Variants in ERBB4 observed in about 807,000 individuals in gnomAD.
ERBB4 encodes receptor tyrosine-protein kinase erbB-4.
Under a neutral mutation model 158.0 loss-of-function variants are expected in ERBB4, and 42 were observed. The observed-to-expected ratio is 0.27, with a 90% CI of 0.21 to 0.34. The LOEUF (loss-of-function observed/expected upper bound fraction) is 0.34. ERBB4 is among the 10% of genes least tolerant of loss of function. ERBB4 has a pLI of 1.00. For synonymous variants in ERBB4, 583 were observed against 558.7 expected (o/e 1.04, Z -0.61); for missense variants, 1,333 against 1,624.1 (o/e 0.82, Z 3.08).
At chr2:212,059,021 T>G (rs969242618) in intron 2 of ERBB4, among the ~76,000 whole-genome samples, 18 of 152,208 alleles carry the variant, frequency 1.2e-4, no homozygotes, top group Non-Finnish European at 1.0e-4. Flanking sequence ...GCAGATGACA[T>G]GATTGTATAT....
chr2:211,407,109 AAACTC>A (rs1249432924), intron 25 of ERBB4, among the ~76,000 whole-genome samples: 1 of 152,116 alleles, frequency 6.6e-6, no homozygotes, highest in African/African-American at 2.4e-5. Flanking sequence ...TTAAAAAACT[AAACTC>A]AAGGGGTTTT....
intron 20 of ERBB4, among the ~76,000 whole-genome samples, chr2:211,432,526 G>C (rs1311793250): frequency 1.3e-5 from 2 of 151,492 alleles, no homozygotes; most frequent in East Asian, 3.9e-4. Flanking sequence ...ACAGTGCTTT[G>C]TGTTTGAGTA....
At chr2:211,429,791 A>C (rs2063711126) in intron 21 of ERBB4, among the ~76,000 whole-genome samples, 1 of 152,228 alleles carries the variant, frequency 6.6e-6, no homozygotes, top group African/African-American at 2.4e-5. Flanking sequence ...TGGACTACGG[A>C]CATTGTGTTA....
intron 1 of ERBB4, among the ~76,000 whole-genome samples, chr2:212,201,139 A>G (rs1008821140): frequency 1.3e-5 from 2 of 152,166 alleles, no homozygotes; most frequent in African/African-American, 4.8e-5. Context: ...AAATTTAATT[A>G]TGCAAGTTTT....
In ERBB4 at chr2:211,704,098, A is replaced by T. The variant is rs188386424; in HGVS notation, c.1289+6T>A. On this transcript the variant is annotated splice_donor_region_variant and intron_variant, in intron 11 of 27. Transcript: ENST00000342788. Reference sequence around the variant, plus strand: ...GAGCCCTGCAGCTTTAAACATATCCACTTACCTATAGAGTACTCTTCCACC... The same window carrying T: ...GAGCCCTGCAGCTTTAAACATATCCTCTTACCTATAGAGTACTCTTCCACC... 6.5e-7 allele frequency: 1 copy of T among 1,540,420 alleles called. No homozygotes were observed. Among genetic ancestry groups the T allele is most frequent in the Non-Finnish European group, 9.0e-7 (1 of 1,112,954 alleles).
At chr2:211,633,614 C>A (rs1315719199) in intron 16 of ERBB4, among the ~76,000 whole-genome samples, 2 of 140,636 alleles carry the variant, frequency 1.4e-5, no homozygotes, top group East Asian at 2.0e-4. Context: ...GTTGTGTGTT[C>A]TCACTAGTTT....
chr2:212,081,861 C>T (rs1042756654), intron 2 of ERBB4, among the ~76,000 whole-genome samples: 1 of 152,100 alleles, frequency 6.6e-6, no homozygotes, highest in African/African-American at 2.4e-5. Flanking sequence ...TTAATTTTTA[C>T]AGGCAGCAAA....
chr2:212,229,810 A>G (rs1313148697), intron 1 of ERBB4, among the ~76,000 whole-genome samples: 1 of 152,216 alleles, frequency 6.6e-6, no homozygotes, highest in Non-Finnish European at 1.5e-5. Flanking sequence ...TGTAGAGGTG[A>G]GAGTCAAGGA....
chr2:212,459,908 C>T (rs184551273), intron 1 of ERBB4, among the ~76,000 whole-genome samples: 1 of 152,100 alleles, frequency 6.6e-6, no homozygotes, highest in Admixed American at 6.5e-5. Context: ...AAAACTAGAC[C>T]CCTACTGATA....
At chr2:211,808,057 T>G (rs1197902220) in intron 3 of ERBB4, among the ~76,000 whole-genome samples, 6 of 152,222 alleles carry the variant, frequency 3.9e-5, no homozygotes, top group Non-Finnish European at 7.3e-5. Context: ...TGTAAACATT[T>G]TTTTCCCATT....
intron 12 of ERBB4, among the ~76,000 whole-genome samples, chr2:211,698,954 GT>G (rs1575006572): frequency 6.6e-6 from 1 of 152,140 alleles, no homozygotes; most frequent in East Asian, 1.9e-4. Context: ...AAACCATAAA[GT>G]CAGCTTTGAA....
chr2:211,464,346 T>C (rs2064618686), intron 20 of ERBB4, among the ~76,000 whole-genome samples: 1 of 152,212 alleles, frequency 6.6e-6, no homozygotes, highest in Non-Finnish European at 1.5e-5. Flanking sequence ...TGCAATACTG[T>C]GGCCTTCCAA....
At chr2:212,446,834 T>C (rs1206937130) in intron 1 of ERBB4, among the ~76,000 whole-genome samples, 2 of 150,494 alleles carry the variant, frequency 1.3e-5, no homozygotes, top group African/African-American at 2.4e-5. Context: ...AGTTCAAATA[T>C]AGAGTGGAAC....
At chr2:212,125,949 T>C (rs1476204847) in intron 1 of ERBB4, among the ~76,000 whole-genome samples, 3 of 152,258 alleles carry the variant, frequency 2.0e-5, no homozygotes, top group African/African-American at 7.2e-5. Flanking sequence ...ATGGGATTGC[T>C]AGGTTGAATG....
chr2:212,485,253 C>G (rs1689911476), intron 1 of ERBB4, among the ~76,000 whole-genome samples: 1 of 152,162 alleles, frequency 6.6e-6, no homozygotes, highest in South Asian at 2.1e-4. Flanking sequence ...CCCTGGGAAG[C>G]CCTCTCTGAC....
rs931809857 is a variant in ERBB4, at chr2:211,952,209, T to C, written c.235-4593A>G. Among the ~76,000 whole-genome samples the C allele has an allele frequency of 1.3e-4, 20 of 152,212 alleles. No homozygotes were observed. The East Asian group carries it at 2.1e-3, about 16-fold the overall frequency. ...AGTCACATTCTCTCAGGTATTCCTA[T>C]AGTCTTTCTGTGAACAAATATCTTG... On this transcript the variant is annotated intron_variant, in intron 2 of 27. Coordinates refer to ENST00000342788, the MANE Select transcript of ERBB4 (RefSeq NM_005235.3).
intron 7 of ERBB4, among the ~76,000 whole-genome samples, chr2:211,715,608 T>A (rs2073868682): frequency 2.0e-5 from 3 of 152,146 alleles, no homozygotes; most frequent in Admixed American, 2.0e-4. Flanking sequence ...TTTAACACCA[T>A]CCCTCTTGGT....
At chr2:211,597,391 A>C (rs1173800838) in intron 19 of ERBB4, among the ~76,000 whole-genome samples, 1 of 152,198 alleles carries the variant, frequency 6.6e-6, no homozygotes, top group Non-Finnish European at 1.5e-5. Context: ...TTATAATCAG[A>C]ACATAATAAC....
At chr2:212,435,185 T>C (rs2092110901) in intron 1 of ERBB4, among the ~76,000 whole-genome samples, 1 of 151,968 alleles carries the variant, frequency 6.6e-6, no homozygotes, top group Non-Finnish European at 1.5e-5. Flanking sequence ...ACGTTGATAT[T>C]CCTTCTGGTG....
Sources: allele counts gnomAD v4.1 joint callset (sites outside exome capture counted in the v4.1 genomes callset), GRCh38; gene constraint gnomAD v4.1.1; transcripts MANE v1.5; gene names NCBI Gene and HGNC (gene_info 2026-07-23, HGNC 2026-07-21).